The following SERPINB7 variants were observed in gnomAD, a reference collection of about 807,000 sequenced individuals.
The protein encoded by SERPINB7 is serpin B7.
SERPINB7 carries 31 observed loss-of-function variants against 37.4 expected under a neutral mutation model. That is an observed-to-expected ratio of 0.83 (90% CI 0.62 to 1.12). The LOEUF (loss-of-function observed/expected upper bound fraction) is 1.12. SERPINB7 is among the 50% of genes most tolerant of loss of function. The probability of loss-of-function intolerance (pLI) is 0.00; values close to 1 mark genes in which losing one functional copy is unlikely to be tolerated. For synonymous variants in SERPINB7, 163 were observed against 166.1 expected (o/e 0.98, Z 0.14); for missense variants, 521 against 455.3 (o/e 1.14, Z -1.31).
chr18:63,788,014 C>T (rs1327242981), intron 2 of SERPINB7, among the ~76,000 whole-genome samples: 1 of 152,178 alleles, frequency 6.6e-6, no homozygotes, highest in African/African-American at 2.4e-5. Context: ...GTAGAAAAGC[C>T]CAACACATAC....
chr18:63,787,014 G>A (rs1177654038), intron 2 of SERPINB7, among the ~76,000 whole-genome samples: 1 of 152,046 alleles, frequency 6.6e-6, no homozygotes, highest in Non-Finnish European at 1.5e-5. Flanking sequence ...CATGAGATGG[G>A]ATAAGACCCA....
intron 7 of SERPINB7, among the ~76,000 whole-genome samples, chr18:63,803,970 T>C (rs555320974): frequency 1.0e-3 from 156 of 152,312 alleles, no homozygotes; most frequent in Non-Finnish European, 2.0e-3. Context: ...TATCTGCTCA[T>C]GGGTGAGCAG....
intron 5 of SERPINB7, among the ~76,000 whole-genome samples, chr18:63,797,773 T>C (rs8084045): frequency 0.16 from 24,750 of 152,170 alleles, 2,216 homozygotes; most frequent in Non-Finnish European, 0.2. Flanking sequence ...TCCCATCATC[T>C]TCAAAATAAT....
At chr18:63,770,043 C>A (rs1374034265) in intron 1 of SERPINB7, among the ~76,000 whole-genome samples, 4 of 148,628 alleles carry the variant, frequency 2.7e-5, no homozygotes, top group African/African-American at 1.0e-4. Flanking sequence ...CAGGACATTG[C>A]CGCTTCTGCT....
At chr18:63,783,185 A>AG (rs1491198568) in intron 2 of SERPINB7, among the ~76,000 whole-genome samples, 8 of 69,110 alleles carry the variant, frequency 1.2e-4, no homozygotes, top group South Asian at 6.3e-4. Context: ...AGAAAGAAAG[A>AG]AAGAGAGAGA....
chr18:63,769,640 T>G (rs2049199133), intron 1 of SERPINB7, among the ~76,000 whole-genome samples: 1 of 152,134 alleles, frequency 6.6e-6, no homozygotes, highest in South Asian at 2.1e-4. Context: ...AGTTCTGGTT[T>G]TAATGGCAAT....
At chr18:63,768,604 G>A (rs2049193510) in intron 1 of SERPINB7, among the ~76,000 whole-genome samples, 1 of 151,964 alleles carries the variant, frequency 6.6e-6, no homozygotes, top group Non-Finnish European at 1.5e-5. Context: ...CATTTTGCAT[G>A]TCTTTCTTCC....
chr18:63,770,783 T>A (rs1194861110), upstream of SERPINB7, among the ~76,000 whole-genome samples: 1 of 152,018 alleles, frequency 6.6e-6, no homozygotes, highest in Non-Finnish European at 1.5e-5. Context: ...ACTATTAGGG[T>A]ATAGAGTTCA....
At chr18:63,782,060 G>A (rs915809065) in intron 1 of SERPINB7, among the ~76,000 whole-genome samples, 1 of 152,022 alleles carries the variant, frequency 6.6e-6, no homozygotes, top group African/African-American at 2.4e-5. Flanking sequence ...AGAAATCTGG[G>A]GTGATTTGAG....
upstream of SERPINB7, among the ~76,000 whole-genome samples, chr18:63,772,007 T>C (rs1028023340): frequency 1.3e-5 from 2 of 151,894 alleles, no homozygotes; most frequent in Non-Finnish European, 2.9e-5. Flanking sequence ...CATGTGCAGG[T>C]TTGTTATACA....
intron 2 of SERPINB7, 30 bp downstream of exon 2, chr18:63,782,570 G>A (rs1568207155): frequency 6.4e-7 from 1 of 1,553,782 alleles, no homozygotes; most frequent in Non-Finnish European, 8.7e-7. Context: ...GTTAATCACT[G>A]GGACAAATTG....
At chr18:63,763,951 G>C (rs1162205767) in intron 1 of SERPINB7, among the ~76,000 whole-genome samples, 1 of 152,114 alleles carries the variant, frequency 6.6e-6, no homozygotes, top group Non-Finnish European at 1.5e-5. Flanking sequence ...GAACAAGTTC[G>C]ACCTGTGTTA....
At chr18:63,786,041 T>C (rs2948924) in intron 2 of SERPINB7, among the ~76,000 whole-genome samples, 1,500 of 83,786 alleles carry the variant, frequency 0.018, 70 homozygotes, top group East Asian at 0.085. Flanking sequence ...TATATACACA[T>C]ATATATAATA....
Position 63,804,423 on chromosome 18 carries a change from G to A in SERPINB7, c.931G>A (p.Ala311Thr), listed in dbSNP as rs149824494. Residue 311 changes from alanine (A) to threonine (T), a missense_variant, in exon 8 of 8, where the codon GCT becomes ACT. Coordinates refer to ENST00000398019, the MANE Select transcript of SERPINB7 (RefSeq NM_003784.4). ...ATCCAAAGCAGATCTCTCTGGGATTGCTTCGGGGGGTCGTCTGTATATATC... is the reference window on the plus strand; with the variant it reads ...ATCCAAAGCAGATCTCTCTGGGATTACTTCGGGGGGTCGTCTGTATATATC... ...DESKADLSGI[A>T]SGGRLYISRM... 14 of 1,613,786 alleles carry A rather than the reference G, an allele frequency of 8.7e-6. No individual in the cohort carries two copies. Among genetic ancestry groups the A allele is most frequent in the South Asian group, 5.5e-5 (5 of 91,072 alleles).
At chr18:63,756,065 T>G (rs1410467326) in intron 1 of SERPINB7, among the ~76,000 whole-genome samples, 1 of 146,506 alleles carries the variant, frequency 6.8e-6, no homozygotes, top group Non-Finnish European at 1.5e-5. Context: ...CATAATACAA[T>G]ATAATATAAA....
At chr18:63,800,353 C>G (rs984843411) in intron 6 of SERPINB7, among the ~76,000 whole-genome samples, 1 of 151,984 alleles carries the variant, frequency 6.6e-6, no homozygotes, top group Admixed American at 6.6e-5. Flanking sequence ...TGAGCCACAG[C>G]GCCTGGTCTT....
At chr18:63,754,068 T>A (rs2049106877) in intron 1 of SERPINB7, among the ~76,000 whole-genome samples, 1 of 152,338 alleles carries the variant, frequency 6.6e-6, no homozygotes, top group South Asian at 2.1e-4. Flanking sequence ...TAATCATAGT[T>A]GTATCTGGAA....
chr18:63,770,116 C>A (rs1037312958), intron 1 of SERPINB7, among the ~76,000 whole-genome samples: 3 of 150,112 alleles, frequency 2.0e-5, no homozygotes, highest in Non-Finnish European at 4.4e-5. Context: ...TTTACAGCAA[C>A]CAGGCCAGTG....
intron 7 of SERPINB7, among the ~76,000 whole-genome samples, chr18:63,802,449 A>T (rs983008904): frequency 6.6e-6 from 1 of 152,178 alleles, no homozygotes; most frequent in Non-Finnish European, 1.5e-5. Context: ...TTGAGCACCT[A>T]CTACATCCCA....
Sources: gnomAD v4.1 joint callset for allele counts (sites outside exome capture counted in the v4.1 genomes callset) on GRCh38, gnomAD v4.1.1 for gene constraint, MANE v1.5 for transcripts, NCBI Gene and HGNC (gene_info 2026-07-23, HGNC 2026-07-21) for gene names.